Variants in YWHAH observed in about 807,000 individuals in gnomAD.
YWHAH encodes 14-3-3 protein eta.
YWHAH carries 6 observed loss-of-function variants against 22.9 expected under a neutral mutation model. The observed-to-expected ratio is 0.26, with a 90% confidence interval of 0.14 to 0.52. The LOEUF (loss-of-function observed/expected upper bound fraction) is 0.52, where lower values mean the gene tolerates loss of function less well. Ranked by LOEUF, YWHAH falls within the 20% of genes least tolerant of loss-of-function variation. The pLI is 0.97. For missense variants in YWHAH, 173 were observed against 308.6 expected, an observed-to-expected ratio of 0.56 and a Z score of 3.29; for synonymous variants, 135 against 124.5, an observed-to-expected ratio of 1.08 and a Z score of -0.56.
At chr22:31,952,263 G>T (rs907441253) in intron 1 of YWHAH, among the ~76,000 whole-genome samples, 3 of 152,186 alleles carry the variant, frequency 2.0e-5, no homozygotes, top group Non-Finnish European at 4.4e-5. Flanking sequence ...TTGCCACCCG[G>T]TGTTTGCCTC....
In YWHAH at chr22:31,956,898, GC is replaced by G. The variant is rs1331366829; in HGVS notation, c.*107del. On this transcript the variant is annotated 3_prime_UTR_variant, in exon 2 of 2. Transcript: ENST00000248975. The surrounding 1 kb of genome is among the most constrained non-coding windows in gnomAD (Gnocchi z 5.1). The stretch of plus-strand genomic sequence containing the variant: ...TCTAGTGCTAAACCTATCTGTATTG[GC>G]AGCACAGCTACTCAGATCTGCACTC... The G allele has an allele frequency of 2.2e-6, 3 of 1,349,190 alleles. No homozygotes were observed. The African/African-American group carries it at 4.4e-5, about 20-fold the overall frequency. 83.6% of individuals were successfully genotyped at this position (1,349,190 alleles called of 1,614,324 possible).
intron 1 of YWHAH, among the ~76,000 whole-genome samples, chr22:31,947,166 C>T (rs910838688): frequency 6.6e-6 from 1 of 152,150 alleles, no homozygotes; most frequent in African/African-American, 2.4e-5. Context: ...GTTTCAGTAA[C>T]CCTCTGGGTT....
chr22:31,945,489 G>C, intron 1 of YWHAH: 1 of 1,304,130 alleles, frequency 7.7e-7, no homozygotes, highest in Non-Finnish European at 1.0e-6. Flanking sequence ...AAAATGAAAC[G>C]TGACTTCTAG....
chr22:31,944,967 C>T (rs903148159), intron 1 of YWHAH, 147 bp downstream of exon 1: 3 of 1,122,024 alleles, frequency 2.7e-6, no homozygotes, highest in Non-Finnish European at 3.3e-6. Context: ...TTAGCCCGCG[C>T]TTCCCGCTCC....
At chr22:31,952,113 C>G (rs372742055) in intron 1 of YWHAH, among the ~76,000 whole-genome samples, 1 of 152,194 alleles carries the variant, frequency 6.6e-6, no homozygotes, top group East Asian at 1.9e-4. Context: ...AAACTATTGT[C>G]TAGGCCTGTC....
At chr22:31,945,743 C>G (rs1207719462) in intron 1 of YWHAH, 2 of 1,178,916 alleles carry the variant, frequency 1.7e-6, no homozygotes, top group African/African-American at 3.2e-5. Context: ...CGACCACCAA[C>G]CTATGTTCAG....
At chr22:31,944,889 G>A (rs1864442468) in intron 1 of YWHAH, 69 bp downstream of exon 1, 6 of 1,195,030 alleles carry the variant, frequency 5.0e-6, no homozygotes, top group Non-Finnish European at 6.2e-6. Flanking sequence ...GGGGATGGCC[G>A]CGGGCGCGTT....
rs1347277811 is a variant in YWHAH at position 31,957,251 on chromosome 22, T to G, written c.*459T>G. The G allele has an allele frequency of 6.3e-6, 1 of 157,596 alleles. No homozygotes were observed. The highest frequency in any genetic ancestry group is 1.4e-5 in the Non-Finnish European group (1 of 70,956). 9.8% of individuals were successfully genotyped at this position (157,596 alleles called of 1,614,324 possible). A position where few individuals can be genotyped will look rare whatever the true frequency, so the allele number is the denominator to read the frequency against. On this transcript the variant is annotated 3_prime_UTR_variant, in exon 2 of 2. Coordinates refer to ENST00000248975, the MANE Select transcript of YWHAH (RefSeq NM_003405.4). ...TTAATGGAAAACTGTTAAGGGAAGCTGATACAGAGAGACAACTTGCTCCTT... is the reference window on the plus strand; with the variant it reads ...TTAATGGAAAACTGTTAAGGGAAGCGGATACAGAGAGACAACTTGCTCCTT...
At chr22:31,949,097 G>T (rs2093839178) in intron 1 of YWHAH, among the ~76,000 whole-genome samples, 1 of 147,418 alleles carries the variant, frequency 6.8e-6, no homozygotes, top group Non-Finnish European at 1.5e-5. Flanking sequence ...TTTTATGTGT[G>T]TGTGTGTTAC....
chr22:31,949,395 C>T (rs1159820259), intron 1 of YWHAH, among the ~76,000 whole-genome samples: 2 of 152,070 alleles, frequency 1.3e-5, no homozygotes, highest in African/African-American at 2.4e-5. Flanking sequence ...CCACCTGCCT[C>T]GGCCTCCCAA....
Position 31,956,712 on chromosome 22 carries a change from C to T in YWHAH, c.661C>T (p.Leu221=), listed in dbSNP as rs750865274. The T allele has an allele frequency of 6.2e-7, 1 of 1,613,944 alleles. No homozygotes were observed. The highest frequency in any genetic ancestry group is 1.7e-5 in the Admixed American group (1 of 59,970). The change falls in exon 2 of 2, where the codon CTG becomes TTG. Residue 221 remains leucine, a synonymous_variant. Coordinates refer to ENST00000248975, the MANE Select transcript of YWHAH (RefSeq NM_003405.4). This position sits in a 1 kb window ranked among gnomAD's most constrained non-coding sequence, Gnocchi z 5.1. ...CGAGGATTCCTATAAGGACTCCACG[C>T]TGATCATGCAGTTGCTGCGAGACAA... ...LNEDSYKDST[L]IMQLLRDNLT...
chr22:31,945,370 G>A, intron 1 of YWHAH: 2 of 1,276,628 alleles, frequency 1.6e-6, no homozygotes, highest in Non-Finnish European at 2.1e-6. Flanking sequence ...TGTGTGCGAA[G>A]ACCCCTTTCC....
rs60830862 is a variant in YWHAH, at chr22:31,955,439, CTTTTTTT to C, written c.88-686_88-680del. On this transcript the variant is annotated intron_variant, in intron 1 of 1. Coordinates refer to ENST00000248975, the MANE Select transcript of YWHAH (RefSeq NM_003405.4). ...CGTACGATCTTACTGTTCAGAGTAT[CTTTTTTT>C]TTTTTTTTTTTTTCTTTTGAGACGG... Among the ~76,000 whole-genome samples, 369 of 126,750 alleles carry C rather than the reference CTTTTTTT, an allele frequency of 2.9e-3. 3 individuals carry two copies. The highest frequency in any genetic ancestry group is 0.01 in the African/African-American group (354 of 34,582). The allele number at this position is 126,750 out of a possible 152,430, so 83.2% of individuals were successfully genotyped here. A position where few individuals can be genotyped will look rare whatever the true frequency, so the allele number is the denominator to read the frequency against.
At chr22:31,945,178 C>G in intron 1 of YWHAH, 1 of 1,115,264 alleles carries the variant, frequency 9.0e-7, no homozygotes. Context: ...TTCACCGGAC[C>G]CGGGGGCTCC....
At chr22:31,945,539 CAT>C in intron 1 of YWHAH, 6 of 1,304,128 alleles carry the variant, frequency 4.6e-6, no homozygotes, top group Non-Finnish European at 6.1e-6. Context: ...CTGAGACCCT[CAT>C]AAATCGATTC....
At chr22:31,944,882 G>A in intron 1 of YWHAH, 62 bp downstream of exon 1, 2 of 1,216,742 alleles carry the variant, frequency 1.6e-6, no homozygotes, top group Non-Finnish European at 2.1e-6. Context: ...GAGGGACGGG[G>A]ATGGCCGCGG....
Position 31,944,579 on chromosome 22 carries a change from T to TGCCTGCAGCCTGCA in YWHAH, c.-143_-130dup, listed in dbSNP as rs71697452. On this transcript the variant is annotated 5_prime_UTR_variant, in exon 1 of 2. Coordinates refer to ENST00000248975, the MANE Select transcript of YWHAH (RefSeq NM_003405.4). ...AGCGAGAGGGCGCGAGCGGCGGCGC[T>TGCCTGCAGCCTGCA]GCCTGCAGCCTGCAGCCTGCAGCCT... is the stretch of plus-strand genomic sequence containing the variant. 3 of 362,938 alleles carry TGCCTGCAGCCTGCA rather than the reference T, an allele frequency of 8.3e-6. No homozygotes were observed. Among genetic ancestry groups the TGCCTGCAGCCTGCA allele is most frequent in the Middle Eastern group, 9.7e-4 (1 of 1,036 alleles). The allele number at this position is 362,938 out of a possible 1,614,324, so 22.5% of individuals were successfully genotyped here. A position where few individuals can be genotyped will look rare whatever the true frequency, so the allele number is the denominator to read the frequency against.
intron 1 of YWHAH, among the ~76,000 whole-genome samples, chr22:31,949,909 A>G (rs1051850753): frequency 6.6e-6 from 1 of 152,078 alleles, no homozygotes. Flanking sequence ...AGAACTCTTC[A>G]TAAGTGGGCT....
At position 31,945,067 on chromosome 22, in the gene YWHAH, G is replaced by C. The variant is rs563579906; in HGVS notation, c.87+247G>C. 2.3e-4 allele frequency: 253 copies of C among 1,105,434 alleles called. 2 individuals are homozygous for C. Among genetic ancestry groups the C allele is most frequent in the Non-Finnish European group, 1.5e-4 (137 of 907,212 alleles). 68.5% of individuals were successfully genotyped at this position (1,105,434 alleles called of 1,614,324 possible). On this transcript the variant is annotated intron_variant, in intron 1 of 1. Coordinates refer to ENST00000248975, the MANE Select transcript of YWHAH (RefSeq NM_003405.4). ...GGGATCGCGAAGGCAGCCCCGGAAGGGGGGCGGGCCGGTCGGGGTCGCCAC... is the reference window on the plus strand; with the variant it reads ...GGGATCGCGAAGGCAGCCCCGGAAGCGGGGCGGGCCGGTCGGGGTCGCCAC...
Sources: allele counts gnomAD v4.1 joint callset (sites outside exome capture counted in the v4.1 genomes callset), GRCh38; gene constraint gnomAD v4.1.1; non-coding constraint Gnocchi (gnomAD v3.1); transcripts MANE v1.5; gene names NCBI Gene and HGNC (gene_info 2026-07-23, HGNC 2026-07-21).